The following ERBB4 variants were observed in gnomAD, a reference collection of about 807,000 sequenced individuals.
ERBB4 encodes receptor tyrosine-protein kinase erbB-4.
Under a neutral mutation model 158.0 loss-of-function variants are expected in ERBB4, and 42 were observed. The ratio of observed to expected loss-of-function variants is 0.27; its 90% CI spans 0.21 to 0.34. The LOEUF is 0.34. Among genes scored for constraint, ERBB4 ranks in the 10% least tolerant of loss-of-function variants. The pLI is 1.00. For synonymous variants in ERBB4, 583 were observed against 558.7 expected, an observed-to-expected ratio of 1.04 and a Z score of -0.61; for missense variants, 1,333 against 1,624.1, an observed-to-expected ratio of 0.82 and a Z score of 3.08.
chr2:212,037,113 T>G (rs75480612), intron 2 of ERBB4, among the ~76,000 whole-genome samples: 2 of 151,938 alleles, frequency 1.3e-5, no homozygotes, highest in African/African-American at 4.8e-5. Flanking sequence ...GAAGGGTTTT[T>G]TTGTTTGTTG....
At chr2:211,641,506 C>CA (rs1191269299) in intron 16 of ERBB4, among the ~76,000 whole-genome samples, 6 of 152,100 alleles carry the variant, frequency 3.9e-5, no homozygotes, top group African/African-American at 1.4e-4. Flanking sequence ...AGTAAGGCTA[C>CA]ATAGATCTCA....
chr2:212,206,099 G>T (rs1386882295), intron 1 of ERBB4, among the ~76,000 whole-genome samples: 1 of 152,108 alleles, frequency 6.6e-6, no homozygotes, highest in East Asian at 1.9e-4. Context: ...AGATTTGCAA[G>T]TTCACCCAGT....
chr2:212,274,749 G>A (rs1276826508), intron 1 of ERBB4, among the ~76,000 whole-genome samples: 1 of 151,596 alleles, frequency 6.6e-6, no homozygotes. Flanking sequence ...AATATTTTAT[G>A]TATCTATGAC....
chr2:211,951,755 T>C (rs2080881615), intron 2 of ERBB4, among the ~76,000 whole-genome samples: 1 of 152,108 alleles, frequency 6.6e-6, no homozygotes, highest in Admixed American at 6.6e-5. Context: ...TCATTATTCA[T>C]TCTGTTTATT....
rs2064245183 is a variant in ERBB4, at chr2:211,451,460, G to A, written c.2488-20360C>T. Among the ~76,000 whole-genome samples the A allele has an allele frequency of 1.3e-5, 2 of 152,176 alleles. 1 individual carries two copies. The highest frequency in any genetic ancestry group is 4.1e-4 in the South Asian group (2 of 4,824). On this transcript the variant is annotated intron_variant, in intron 20 of 27. Coordinates refer to ENST00000342788, the MANE Select transcript of ERBB4 (RefSeq NM_005235.3). ...ACAGGGAACTAGCGAGGAATTAAGGGAGGCAGGATGTAGAAAGAAATATTA... is the reference window on the plus strand; with the variant it reads ...ACAGGGAACTAGCGAGGAATTAAGGAAGGCAGGATGTAGAAAGAAATATTA...
chr2:211,823,004 G>A (rs2077026938), intron 3 of ERBB4, among the ~76,000 whole-genome samples: 1 of 151,956 alleles, frequency 6.6e-6, no homozygotes, highest in Non-Finnish European at 1.5e-5. Context: ...TTCCAATGCT[G>A]TTACAACTGT....
At chr2:211,645,053 C>T (rs145734566) in intron 16 of ERBB4, among the ~76,000 whole-genome samples, 3 of 150,088 alleles carry the variant, frequency 2.0e-5, no homozygotes, top group African/African-American at 7.3e-5. Flanking sequence ...TGCTGGAAAA[C>T]ACTAACATCT....
chr2:211,592,871 C>T (rs902215537), intron 19 of ERBB4, among the ~76,000 whole-genome samples: 6 of 152,070 alleles, frequency 3.9e-5, no homozygotes, highest in Non-Finnish European at 8.8e-5. Flanking sequence ...ATTAGCTGGG[C>T]GTGGTGGTGG....
intron 2 of ERBB4, among the ~76,000 whole-genome samples, chr2:212,114,517 A>G (rs1339637777): frequency 2.0e-5 from 3 of 152,228 alleles, no homozygotes; most frequent in Non-Finnish European, 4.4e-5. Context: ...TTTGGACTTT[A>G]TCCTAAGAGG....
intron 20 of ERBB4, among the ~76,000 whole-genome samples, chr2:211,555,490 T>C (rs1023376659): frequency 5.3e-5 from 8 of 152,178 alleles, no homozygotes; most frequent in Non-Finnish European, 1.0e-4. Flanking sequence ...CAGCCTAAGT[T>C]TGTGTTTTCT....
At chr2:211,425,379 A>G (rs2063605179) in intron 22 of ERBB4, among the ~76,000 whole-genome samples, 1 of 116,198 alleles carries the variant, frequency 8.6e-6, no homozygotes, top group Admixed American at 8.0e-5. Context: ...TGGAATTTAA[A>G]ATTATTCTTT....
At chr2:212,286,496 G>A (rs1289374261) in intron 1 of ERBB4, among the ~76,000 whole-genome samples, 1 of 151,424 alleles carries the variant, frequency 6.6e-6, no homozygotes, top group Non-Finnish European at 1.5e-5. Flanking sequence ...ATATAGATGG[G>A]TTGCATAACC....
At chr2:211,511,361 T>G (rs983023567) in intron 20 of ERBB4, among the ~76,000 whole-genome samples, 1 of 152,068 alleles carries the variant, frequency 6.6e-6, no homozygotes, top group Non-Finnish European at 1.5e-5. Flanking sequence ...TTGTGTTACA[T>G]AGCATGATTA....
intron 1 of ERBB4, among the ~76,000 whole-genome samples, chr2:212,495,008 T>A (rs1309229687): frequency 6.6e-6 from 1 of 152,116 alleles, no homozygotes; most frequent in East Asian, 1.9e-4. Context: ...TAAAAATTAG[T>A]TTCCTATTTC....
At chr2:212,135,855 T>A (rs1229135816) in intron 1 of ERBB4, among the ~76,000 whole-genome samples, 1 of 152,230 alleles carries the variant, frequency 6.6e-6, no homozygotes, top group African/African-American at 2.4e-5. Context: ...CATCAAGGCT[T>A]GCCAAATTAG....
chr2:212,535,305 A>G lies in ERBB4; in HGVS notation c.82+3144T>C, dbSNP rs932977282. ...TTGTACCGATAGATGTGCTTACAGT[A>G]AACACTTGTAAGAAAGAGAATTGAT... On this transcript the variant is annotated intron_variant, in intron 1 of 27. Coordinates refer to ENST00000342788, the MANE Select transcript of ERBB4 (RefSeq NM_005235.3). Among the ~76,000 whole-genome samples, 3 of 152,266 alleles carry G rather than the reference A, an allele frequency of 2.0e-5. No homozygotes were observed. In the East Asian group the frequency reaches 5.8e-4, roughly 29 times the overall value.
intron 3 of ERBB4, among the ~76,000 whole-genome samples, chr2:211,835,708 A>T (rs2077326902): frequency 6.6e-6 from 1 of 152,084 alleles, no homozygotes; most frequent in South Asian, 2.1e-4. Flanking sequence ...GTAGGTTCTG[A>T]TGAAGACAAA....
intron 1 of ERBB4, among the ~76,000 whole-genome samples, chr2:212,329,130 T>C (rs910686344): frequency 2.1e-4 from 32 of 152,010 alleles, no homozygotes; most frequent in Non-Finnish European, 5.9e-5. Context: ...TTTTTTCACT[T>C]TAAAGGTACC....
At chr2:212,162,695 A>G (rs1000071663) in intron 1 of ERBB4, among the ~76,000 whole-genome samples, 4 of 151,972 alleles carry the variant, frequency 2.6e-5, no homozygotes, top group Admixed American at 2.0e-4. Context: ...GATAATGGTT[A>G]GAGGGCAATA....
Sources: gnomAD v4.1 joint callset for allele counts (sites outside exome capture counted in the v4.1 genomes callset) on GRCh38, gnomAD v4.1.1 for gene constraint, MANE v1.5 for transcripts, NCBI Gene and HGNC (gene_info 2026-07-23, HGNC 2026-07-21) for gene names.